The following TENM2 variants were observed in gnomAD, a reference collection of about 807,000 sequenced individuals.
TENM2 encodes the protein teneurin-2.
In TENM2, 52 loss-of-function variants were observed where a neutral mutation model predicts 245.2. That is an observed-to-expected ratio of 0.21 (90% CI 0.17 to 0.27). The LOEUF (loss-of-function observed/expected upper bound fraction) is 0.27. Among genes scored for constraint, TENM2 ranks in the 10% least tolerant of loss-of-function variants. The pLI is 1.00. For missense variants in TENM2, 3,046 were observed against 3,666.8 expected (o/e 0.83, Z 4.37); for synonymous variants, 1,363 against 1,438.9 (o/e 0.95, Z 1.19).
chr5:167,002,066 T>G, the TENM2 span, among the ~76,000 whole-genome samples: 1 of 152,184 alleles, frequency 6.6e-6, no homozygotes, highest in African/African-American at 2.4e-5. Context: ...GGGATATTTT[T>G]GGACAGACTC....
At chr5:167,809,374 C>T (rs1766462096) in intron 2 of TENM2, among the ~76,000 whole-genome samples, 1 of 152,032 alleles carries the variant, frequency 6.6e-6, no homozygotes, top group Admixed American at 6.5e-5. Context: ...GTATGTCATC[C>T]CACCCATGGA....
chr5:167,765,175 G>A (rs1762928150), intron 2 of TENM2, among the ~76,000 whole-genome samples: 2 of 152,160 alleles, frequency 1.3e-5, no homozygotes. Context: ...TGAACAGAAA[G>A]CACTTAAAGG....
chr5:168,080,269 T>A (rs1348564432), intron 7 of TENM2, among the ~76,000 whole-genome samples: 1 of 152,226 alleles, frequency 6.6e-6, no homozygotes, highest in Non-Finnish European at 1.5e-5. Flanking sequence ...GTGGGATCGA[T>A]GGTGATATCC....
chr5:167,842,580 C>CAAAAAA (rs1160974467), intron 2 of TENM2, among the ~76,000 whole-genome samples: 12 of 45,316 alleles, frequency 2.6e-4, no homozygotes, highest in Non-Finnish European at 3.6e-4. Context: ...GACTCCATGT[C>CAAAAAA]AAAAAAAAAA....
intron 7 of TENM2, among the ~76,000 whole-genome samples, chr5:168,068,932 G>A (rs2152119027): frequency 6.6e-6 from 1 of 151,952 alleles, no homozygotes; most frequent in East Asian, 1.9e-4. Flanking sequence ...GGATACAGAT[G>A]ACACCTGTAA....
intron 3 of TENM2, among the ~76,000 whole-genome samples, chr5:167,895,318 A>C (rs1356350142): frequency 6.6e-6 from 1 of 152,150 alleles, no homozygotes; most frequent in Non-Finnish European, 1.5e-5. Context: ...GGGAAACAAT[A>C]AAGTAGGAAC....
chr5:168,015,229 T>C (rs1291354129), intron 5 of TENM2, among the ~76,000 whole-genome samples: 4 of 152,126 alleles, frequency 2.6e-5, no homozygotes, highest in African/African-American at 4.8e-5. Flanking sequence ...AGACAGACAG[T>C]GCAGGAAATG....
At chr5:168,252,708 A>G (rs1474541249) in intron 27 of TENM2, among the ~76,000 whole-genome samples, 3 of 150,920 alleles carry the variant, frequency 2.0e-5, no homozygotes, top group African/African-American at 7.3e-5. Context: ...TTAGCCAGGC[A>G]TCGTGGCAGG....
the TENM2 span, among the ~76,000 whole-genome samples, chr5:167,023,887 T>A: frequency 6.6e-6 from 1 of 152,178 alleles, no homozygotes; most frequent in South Asian, 2.1e-4. Flanking sequence ...CACTGATTTG[T>A]TTTTAGGTCA....
At chr5:167,573,112 T>C (rs1486276094) in intron 2 of TENM2, among the ~76,000 whole-genome samples, 1 of 152,116 alleles carries the variant, frequency 6.6e-6, no homozygotes, top group Admixed American at 6.5e-5. Context: ...ACGAAGCATT[T>C]GTTTCTTCTT....
chr5:168,247,822 G>A lies in TENM2; in HGVS notation c.6883G>A (p.Gly2295Arg), dbSNP rs200427229. ...AACAAGAGCCTACAACAAGGCCAGC[G>A]GGTGGAGTGTCCAGTACCGCTATGA... The change falls in exon 27 of 29, where the codon GGG becomes AGG. Residue 2295 changes from glycine to arginine, a missense_variant. Transcript: ENST00000518659. This position sits in a 1 kb window ranked among gnomAD's most constrained non-coding sequence, Gnocchi z 7.8. 3.1e-5 allele frequency: 50 copies of A among 1,613,862 alleles called. No individual in the cohort carries two copies. Among genetic ancestry groups the A allele is most frequent in the African/African-American group, 2.9e-4 (22 of 74,914 alleles).
At chr5:168,220,043 C>T (rs1217966739) in intron 23 of TENM2, among the ~76,000 whole-genome samples, 1 of 152,120 alleles carries the variant, frequency 6.6e-6, no homozygotes, top group Non-Finnish European at 1.5e-5. Context: ...AACTCTTTCT[C>T]AAGCACCTTA....
chr5:168,154,276 G>T (rs1026639799), intron 12 of TENM2, among the ~76,000 whole-genome samples: 3 of 151,720 alleles, frequency 2.0e-5, no homozygotes, highest in Middle Eastern at 3.4e-3. Context: ...GAAGTGGTGC[G>T]ATCTTGGCTC....
At chr5:167,947,442 T>G (rs576589580) in intron 3 of TENM2, among the ~76,000 whole-genome samples, 1 of 152,282 alleles carries the variant, frequency 6.6e-6, no homozygotes, top group Admixed American at 6.5e-5. Context: ...GAAAAATATG[T>G]CACTTTCCAG....
At chr5:167,973,998 A>AG (rs756939669) in intron 4 of TENM2, among the ~76,000 whole-genome samples, 6 of 115,176 alleles carry the variant, frequency 5.2e-5, no homozygotes, top group Non-Finnish European at 8.5e-5. Context: ...GAAGGAAGGG[A>AG]GAAAGGGAGG....
chr5:167,547,771 G>A (rs530130676), intron 2 of TENM2, among the ~76,000 whole-genome samples: 4 of 152,190 alleles, frequency 2.6e-5, no homozygotes, highest in Admixed American at 6.5e-5. Flanking sequence ...CAATGAGCTC[G>A]TTTTCTCTTT....
At chr5:167,776,949 A>G (rs1400027935) in intron 2 of TENM2, among the ~76,000 whole-genome samples, 3 of 152,226 alleles carry the variant, frequency 2.0e-5, no homozygotes, top group Non-Finnish European at 4.4e-5. Context: ...ATGTTTTTCA[A>G]AAGACTGAAC....
At chr5:167,144,499 AT>A in the TENM2 span, among the ~76,000 whole-genome samples, 1 of 151,598 alleles carries the variant, frequency 6.6e-6, no homozygotes, top group African/African-American at 2.4e-5. Flanking sequence ...TTTGCCTTTA[AT>A]TTTTTTTTCT....
At chr5:168,143,368 C>T (rs1755731530) in intron 12 of TENM2, among the ~76,000 whole-genome samples, 1 of 150,790 alleles carries the variant, frequency 6.6e-6, no homozygotes, top group South Asian at 2.1e-4. Context: ...TATATCTATT[C>T]TGTTTGTTAC....
Sources: gnomAD v4.1 joint callset for allele counts (sites outside exome capture counted in the v4.1 genomes callset) on GRCh38, gnomAD v4.1.1 for gene constraint, Gnocchi (gnomAD v3.1) non-coding constraint, MANE v1.5 for transcripts, NCBI Gene and HGNC (gene_info 2026-07-23, HGNC 2026-07-21) for gene names.